ROBO2: variants seen among roughly 807,000 people sequenced by gnomAD.
ROBO2 encodes roundabout guidance receptor 2, also known as roundabout homolog 2.
In ROBO2, 53 loss-of-function variants were observed where a neutral mutation model predicts 160.8. The ratio of observed to expected loss-of-function variants is 0.33; its 90% CI spans 0.26 to 0.41. The LOEUF is 0.41. Ranked by LOEUF, ROBO2 falls within the 10% of genes least tolerant of loss-of-function variation. ROBO2 has a pLI of 1.00. For missense variants in ROBO2, 1,577 were observed against 1,722.4 expected, an observed-to-expected ratio of 0.92 and a Z score of 1.49; for synonymous variants, 664 against 611.7, an observed-to-expected ratio of 1.09 and a Z score of -1.26.
At chr3:77,631,908 T>G (rs2095170990) in intron 23 of ROBO2, 1 of 152,142 alleles carries the variant, frequency 6.6e-6, no homozygotes, top group Non-Finnish European at 1.5e-5. Flanking sequence ...TTTTCTTATG[T>G]TCTAAGTTCA....
chr3:76,300,842 C>G, intron 2 of ROBO2, among the ~76,000 whole-genome samples: 1 of 152,044 alleles, frequency 6.6e-6, no homozygotes, highest in East Asian at 1.9e-4. Context: ...CCAGGTGAGT[C>G]TTTTCTTGTC....
intron 2 of ROBO2, among the ~76,000 whole-genome samples, chr3:76,966,848 G>A (rs2059320196): frequency 6.6e-6 from 1 of 152,202 alleles, no homozygotes; most frequent in Admixed American, 6.5e-5. Context: ...TTCAAAAACA[G>A]GAGGTTAATG....
At chr3:77,398,044 A>C (rs1292968881) in intron 2 of ROBO2, among the ~76,000 whole-genome samples, 1 of 152,182 alleles carries the variant, frequency 6.6e-6, no homozygotes, top group Non-Finnish European at 1.5e-5. Flanking sequence ...TATAACACAG[A>C]GAACATTATA....
chr3:76,991,596 T>A (rs1264159371), intron 2 of ROBO2, among the ~76,000 whole-genome samples: 9 of 152,182 alleles, frequency 5.9e-5, no homozygotes, highest in Non-Finnish European at 1.3e-4. Context: ...AGGACTTTCA[T>A]TACGTTTTGA....
chr3:76,998,850 A>C (rs1209998886), intron 2 of ROBO2, among the ~76,000 whole-genome samples: 1 of 152,174 alleles, frequency 6.6e-6, no homozygotes, highest in Non-Finnish European at 1.5e-5. Flanking sequence ...TTGAGGGTGT[A>C]AGCCTGATCA....
intron 2 of ROBO2, among the ~76,000 whole-genome samples, chr3:77,406,498 A>G (rs1256000399): frequency 6.6e-6 from 1 of 152,212 alleles, no homozygotes; most frequent in Non-Finnish European, 1.5e-5. Context: ...GATAATAAAG[A>G]TAAATATTTT....
intron 2 of ROBO2, among the ~76,000 whole-genome samples, chr3:76,051,072 G>T (rs896221324): frequency 6.6e-6 from 1 of 151,764 alleles, no homozygotes; most frequent in Non-Finnish European, 1.5e-5. Flanking sequence ...TTTTTCTCCA[G>T]ATGAATCTTA....
intron 2 of ROBO2, among the ~76,000 whole-genome samples, chr3:76,038,822 AGT>A (rs2067197821): frequency 6.6e-6 from 1 of 151,476 alleles, no homozygotes; most frequent in Non-Finnish European, 1.5e-5. Flanking sequence ...GTGTTTAAAG[AGT>A]GTGCTAGATT....
intron 2 of ROBO2, among the ~76,000 whole-genome samples, chr3:77,343,668 T>A (rs1419075984): frequency 6.6e-6 from 1 of 152,132 alleles, no homozygotes; most frequent in East Asian, 1.9e-4. Flanking sequence ...TTAATATAAT[T>A]TGCTCTTGAC....
At chr3:76,897,545 T>A (rs2074893411) in intron 2 of ROBO2, among the ~76,000 whole-genome samples, 1 of 152,046 alleles carries the variant, frequency 6.6e-6, no homozygotes, top group Non-Finnish European at 1.5e-5. Context: ...CCAACCTACA[T>A]GACATGATTA....
intron 4 of ROBO2, among the ~76,000 whole-genome samples, chr3:77,482,778 T>C (rs567936342): frequency 1.6e-4 from 25 of 152,132 alleles, no homozygotes; most frequent in African/African-American, 5.1e-4. Context: ...AACGTTAGCA[T>C]TGAAAGCCCA....
intron 2 of ROBO2, among the ~76,000 whole-genome samples, chr3:76,048,613 TAAAA>T (rs2067532020): frequency 6.6e-6 from 1 of 152,036 alleles, no homozygotes; most frequent in African/African-American, 2.4e-5. Flanking sequence ...TCACACTAGT[TAAAA>T]AAACAATATG....
At chr3:76,887,256 A>C (rs1559653889) in intron 2 of ROBO2, among the ~76,000 whole-genome samples, 1 of 125,236 alleles carries the variant, frequency 8.0e-6, no homozygotes. Context: ...GCACTGGACT[A>C]GACTCTAGTC....
intron 2 of ROBO2, among the ~76,000 whole-genome samples, chr3:76,452,420 C>T (rs527348795): frequency 7.2e-5 from 11 of 151,930 alleles, no homozygotes; most frequent in Admixed American, 2.0e-4. Context: ...TGAGAACATG[C>T]GGTGTTTGTT....
At chr3:77,290,188 T>A (rs2061022912) in intron 2 of ROBO2, among the ~76,000 whole-genome samples, 1 of 149,944 alleles carries the variant, frequency 6.7e-6, no homozygotes, top group Non-Finnish European at 1.5e-5. Flanking sequence ...CAAAGTAAAA[T>A]TGATGGTTAA....
At chr3:76,512,911 C>T (rs935599103) in intron 2 of ROBO2, among the ~76,000 whole-genome samples, 12 of 152,084 alleles carry the variant, frequency 7.9e-5, no homozygotes, top group African/African-American at 2.2e-4. Flanking sequence ...AACCTCATTT[C>T]GCGGGCTGGG....
chr3:77,595,051 C>G (rs1443577331), intron 17 of ROBO2, 91 bp from the exon 19 acceptor site: 3 of 1,043,820 alleles, frequency 2.9e-6, no homozygotes, highest in African/African-American at 3.2e-5. Flanking sequence ...GGCCTCAGCT[C>G]TAAACTAAGG....
chr3:76,409,666 G>A (rs1334030435), intron 2 of ROBO2, among the ~76,000 whole-genome samples: 1 of 152,020 alleles, frequency 6.6e-6, no homozygotes, highest in Non-Finnish European at 1.5e-5. Context: ...TTCAAACTAA[G>A]CTCTGTTCCT....
chr3:77,053,597 A>G (rs2065430463), intron 1 of ROBO2, among the ~76,000 whole-genome samples: 2 of 152,148 alleles, frequency 1.3e-5, no homozygotes, highest in Non-Finnish European at 1.5e-5. Flanking sequence ...CTGATTTAAC[A>G]TCTTTATTAG....
Sources: gnomAD v4.1 joint callset for allele counts (sites outside exome capture counted in the v4.1 genomes callset) on GRCh38, gnomAD v4.1.1 for gene constraint, MANE v1.5 for transcripts, NCBI Gene and HGNC (gene_info 2026-07-23, HGNC 2026-07-21) for gene names.